Variants in TENM2 observed in about 807,000 individuals in gnomAD.
The protein encoded by TENM2 is teneurin transmembrane protein 2.
A neutral mutation model predicts 245.2 loss-of-function variants in TENM2; 52 were observed. The ratio of observed to expected loss-of-function variants is 0.21; its 90% CI spans 0.17 to 0.27. The LOEUF is 0.27. Ranked by LOEUF, TENM2 falls within the 10% of genes least tolerant of loss-of-function variation. The probability of loss-of-function intolerance (pLI) is 1.00; values close to 1 mark genes in which losing one functional copy is unlikely to be tolerated. For synonymous variants in TENM2, 1,363 were observed against 1,438.9 expected, an observed-to-expected ratio of 0.95 and a Z score of 1.19; for missense variants, 3,046 against 3,666.8, an observed-to-expected ratio of 0.83 and a Z score of 4.37.
At chr5:167,678,804 C>T (rs899528171) in intron 2 of TENM2, among the ~76,000 whole-genome samples, 2 of 152,146 alleles carry the variant, frequency 1.3e-5, no homozygotes, top group African/African-American at 4.8e-5. Context: ...CGTATTTTCT[C>T]TACCTATCTA....
At chr5:168,158,290 T>C (rs1048198860) in intron 12 of TENM2, among the ~76,000 whole-genome samples, 1 of 152,130 alleles carries the variant, frequency 6.6e-6, no homozygotes, top group Non-Finnish European at 1.5e-5. Flanking sequence ...AAATTCTCCC[T>C]GGGAAGAGGA....
chr5:167,792,290 CA>C (rs1364277324), intron 2 of TENM2, among the ~76,000 whole-genome samples: 1 of 152,020 alleles, frequency 6.6e-6, no homozygotes, highest in African/African-American at 2.4e-5. Flanking sequence ...GTTGTCATTA[CA>C]ACCTACACAG....
At chr5:167,343,945 A>T (rs1045762431) in intron 1 of TENM2, among the ~76,000 whole-genome samples, 5 of 151,842 alleles carry the variant, frequency 3.3e-5, no homozygotes, top group Non-Finnish European at 7.4e-5. Flanking sequence ...TTCATTTTAG[A>T]GTGGAAAGGA....
chr5:167,855,190 C>A (rs1214092447), intron 2 of TENM2, among the ~76,000 whole-genome samples: 1 of 152,090 alleles, frequency 6.6e-6, no homozygotes, highest in African/African-American at 2.4e-5. Flanking sequence ...CAGCTCAGAG[C>A]CTGTGTTGGT....
intron 12 of TENM2, among the ~76,000 whole-genome samples, chr5:168,156,463 A>G (rs1757195189): frequency 6.6e-6 from 1 of 151,946 alleles, no homozygotes; most frequent in South Asian, 2.1e-4. Flanking sequence ...GGCATGCTTG[A>G]TGTTGAATAT....
the TENM2 span, among the ~76,000 whole-genome samples, chr5:167,158,308 A>G: frequency 6.6e-6 from 1 of 151,820 alleles, no homozygotes; most frequent in Non-Finnish European, 1.5e-5. Context: ...GCCCCTCACC[A>G]CTCTTACTTA....
intron 12 of TENM2, among the ~76,000 whole-genome samples, chr5:168,143,191 A>G (rs1438280687): frequency 1.3e-5 from 2 of 151,866 alleles, no homozygotes; most frequent in Non-Finnish European, 2.9e-5. Context: ...GACCTAGTGC[A>G]TAATTTGCAG....
the TENM2 span, among the ~76,000 whole-genome samples, chr5:167,186,780 T>G: frequency 1.3e-5 from 2 of 152,216 alleles, no homozygotes; most frequent in Non-Finnish European, 2.9e-5. Context: ...TTAAACAGAT[T>G]GTGACTAGAA....
intron 2 of TENM2, among the ~76,000 whole-genome samples, chr5:167,608,219 T>G (rs1002699708): frequency 6.6e-6 from 1 of 152,194 alleles, no homozygotes; most frequent in Non-Finnish European, 1.5e-5. Flanking sequence ...TGCATTTGGT[T>G]CAACATGAGG....
At chr5:168,036,896 T>C (rs910790781) in intron 5 of TENM2, among the ~76,000 whole-genome samples, 1 of 151,636 alleles carries the variant, frequency 6.6e-6, no homozygotes, top group Non-Finnish European at 1.5e-5. Flanking sequence ...AAAAAGAAAT[T>C]ATCCTCCCCC....
At chr5:167,801,104 AAAAAAATATATATATAT>A (rs1233788436) in intron 2 of TENM2, among the ~76,000 whole-genome samples, 8 of 64,128 alleles carry the variant, frequency 1.2e-4, no homozygotes, top group Admixed American at 2.1e-4. Flanking sequence ...AGAAAAAAAA[AAAAAAATATATATATAT>A]ATATATATAT....
rs1048814465 is a variant in TENM2, at chr5:167,657,046, C to T, written c.503-218940C>T. ...CTGTAGTCCTACCAGTGGTACAAAA[C>T]ACTTGAACGTATTTCTTCCTATATA... is the stretch of plus-strand genomic sequence containing the variant. On this transcript the variant is annotated intron_variant, in intron 2 of 28. Transcript: ENST00000518659. 7.3e-5 allele frequency among the ~76,000 whole-genome samples: 11 copies of T among 150,430 alleles called. No individual in the cohort carries two copies. In the East Asian group the frequency reaches 2.2e-3, roughly 30 times the overall value.
chr5:167,119,654 G>A, the TENM2 span: 1 of 152,148 alleles, frequency 6.6e-6, no homozygotes, highest in African/African-American at 2.4e-5. Flanking sequence ...GAGGGGAGGT[G>A]ACCTCATGAC....
At chr5:168,052,451 T>C (rs1562099565) in intron 6 of TENM2, among the ~76,000 whole-genome samples, 1 of 151,932 alleles carries the variant, frequency 6.6e-6, no homozygotes, top group African/African-American at 2.4e-5. Flanking sequence ...TATATATATA[T>C]ATACACACAC....
At chr5:167,831,612 C>G (rs1031281058) in intron 2 of TENM2, among the ~76,000 whole-genome samples, 49 of 150,452 alleles carry the variant, frequency 3.3e-4, no homozygotes, top group African/African-American at 1.1e-3. Flanking sequence ...ATTAATGAAT[C>G]TTTCTCCTTT....
At chr5:168,254,784 C>T (rs898727580) in intron 27 of TENM2, among the ~76,000 whole-genome samples, 2 of 152,164 alleles carry the variant, frequency 1.3e-5, no homozygotes, top group Non-Finnish European at 2.9e-5. Flanking sequence ...CGGTGGCTTA[C>T]GCCTGTAATC....
intron 5 of TENM2, among the ~76,000 whole-genome samples, chr5:168,004,303 C>T (rs139689287): frequency 5.8e-4 from 88 of 152,254 alleles, no homozygotes; most frequent in African/African-American, 1.3e-3. Flanking sequence ...TTTTAGATTA[C>T]CCTGCAATGT....
chr5:167,640,839 A>T lies in TENM2; in HGVS notation c.503-235147A>T, dbSNP rs1312944221. Among the ~76,000 whole-genome samples the T allele has an allele frequency of 7.5e-4, 40 of 53,576 alleles. 1 individual carries two copies. In the South Asian group the frequency reaches 0.026, roughly 35 times the overall value. The allele number at this position is 53,576 out of a possible 152,430, so 35.1% of individuals were successfully genotyped here. On this transcript the variant is annotated intron_variant, in intron 2 of 28. Coordinates refer to ENST00000518659, the Ensembl canonical transcript of TENM2. ...CAAAAATAGAAATAGAAATATATATATCCATATATATATATATATCCATAT... is the reference window on the plus strand; with the variant it reads ...CAAAAATAGAAATAGAAATATATATTTCCATATATATATATATATCCATAT...
chr5:167,172,509 C>T, the TENM2 span, among the ~76,000 whole-genome samples: 1 of 152,110 alleles, frequency 6.6e-6, no homozygotes, highest in African/African-American at 2.4e-5. Context: ...AGCCCTAGCT[C>T]TTGACTAGTC....
Sources: allele counts gnomAD v4.1 joint callset (sites outside exome capture counted in the v4.1 genomes callset), GRCh38; gene constraint gnomAD v4.1.1; transcripts MANE v1.5; gene names NCBI Gene and HGNC (gene_info 2026-07-23, HGNC 2026-07-21).